The following SEMA3A variants were observed in gnomAD, a reference collection of about 807,000 sequenced individuals.
SEMA3A encodes the protein semaphorin 3A.
Under a neutral mutation model 97.9 loss-of-function variants are expected in SEMA3A, and 29 were observed. The ratio of observed to expected loss-of-function variants is 0.30; its 90% CI spans 0.22 to 0.40. SEMA3A has a LOEUF of 0.40. Among genes scored for constraint, SEMA3A ranks in the 10% least tolerant of loss-of-function variants. The pLI is 1.00. For synonymous variants in SEMA3A, 321 were observed against 323.7 expected (o/e 0.99, Z 0.09); for missense variants, 763 against 951.3 (o/e 0.80, Z 2.60).
rs139263035 is a variant in SEMA3A at position 84,295,987 on chromosome 7, A to T, written c.-83+11220T>A. Reference sequence around the variant, plus strand: ...CAGCAAGAAATCATGAAAATGATTCAGCAAAATACATCATATTTAGATGTA... The same window carrying T: ...CAGCAAGAAATCATGAAAATGATTCTGCAAAATACATCATATTTAGATGTA... On this transcript the variant is annotated intron_variant, in intron 3 of 3. Coordinates refer to the SEMA3A transcript ENST00000424555. 1.1e-3 allele frequency among the ~76,000 whole-genome samples: 165 copies of T among 152,280 alleles called. 1 individual carries two copies. The highest frequency in any genetic ancestry group is 3.4e-3 in the Middle Eastern group (1 of 294).
At chr7:84,157,878 A>G (rs1584054111) in intron 1 of SEMA3A, among the ~76,000 whole-genome samples, 1 of 152,174 alleles carries the variant, frequency 6.6e-6, no homozygotes, top group South Asian at 2.1e-4. Flanking sequence ...TACATAGGTC[A>G]TATCATACAA....
rs1373019229 is a variant in SEMA3A at position 84,429,555 on chromosome 7, G to T, written c.-245-57655C>A. On this transcript the variant is annotated intron_variant, in intron 1 of 3. Coordinates refer to the SEMA3A transcript ENST00000424555. ...ATATATATATATATATATAGCGAGA[G>T]AGAGAGAGAGAGAGAGAGGTTAAAA... Among the ~76,000 whole-genome samples, 41 of 67,970 alleles carry T rather than the reference G, an allele frequency of 6.0e-4. No homozygotes were observed. In the South Asian group the frequency reaches 8.1e-3, roughly 13 times the overall value. 44.6% of individuals were successfully genotyped at this position (67,970 alleles called of 152,430 possible).
At chr7:84,359,399 T>G (rs984782535) in intron 2 of SEMA3A, among the ~76,000 whole-genome samples, 1 of 152,128 alleles carries the variant, frequency 6.6e-6, no homozygotes, top group Non-Finnish European at 1.5e-5. Flanking sequence ...GAGATAATCA[T>G]GTGGTTTTTG....
chr7:84,093,169 A>T (rs1385294865), intron 4 of SEMA3A, among the ~76,000 whole-genome samples: 1 of 152,166 alleles, frequency 6.6e-6, no homozygotes, highest in Non-Finnish European at 1.5e-5. Context: ...TGCACCATGT[A>T]ACTTTTTGCA....
intron 12 of SEMA3A, among the ~76,000 whole-genome samples, chr7:83,992,483 G>C (rs1031927462): frequency 6.6e-6 from 1 of 151,524 alleles, no homozygotes; most frequent in Non-Finnish European, 1.5e-5. Context: ...TCTACACACT[G>C]CTTTGAATGC....
chr7:84,453,403 A>AT (rs1215439642), intron 1 of SEMA3A, among the ~76,000 whole-genome samples: 2 of 151,804 alleles, frequency 1.3e-5, no homozygotes, highest in African/African-American at 4.8e-5. Flanking sequence ...CGCCCGGCTA[A>AT]TTTTTTGTAT....
chr7:84,244,313 C>G (rs981350980), intron 3 of SEMA3A, among the ~76,000 whole-genome samples: 1 of 152,164 alleles, frequency 6.6e-6, no homozygotes, highest in Admixed American at 6.5e-5. Context: ...GTTAGCTCTT[C>G]TTGTTGCATG....
chr7:84,059,522 C>T (rs529907851), intron 5 of SEMA3A, among the ~76,000 whole-genome samples: 15 of 152,022 alleles, frequency 9.9e-5, no homozygotes, highest in East Asian at 5.8e-4. Flanking sequence ...AAACTTATGA[C>T]ATATCAGATA....
Position 84,091,725 on chromosome 7 carries a change from C to A in SEMA3A, c.453+18745G>T, listed in dbSNP as rs148640609. 2.9e-3 allele frequency among the ~76,000 whole-genome samples: 435 copies of A among 152,238 alleles called. 4 individuals are homozygous for A. Among genetic ancestry groups the A allele is most frequent in the South Asian group, 0.023 (110 of 4,820 alleles). Reference sequence around the variant, plus strand: ...TTAATTTGGCTCCAATTTTTAGAGACTATCTTCATGCTTTTCTCAAGATGA... The same window carrying A: ...TTAATTTGGCTCCAATTTTTAGAGAATATCTTCATGCTTTTCTCAAGATGA... On this transcript the variant is annotated intron_variant, in intron 4 of 16. Coordinates refer to ENST00000265362, the MANE Select transcript of SEMA3A (RefSeq NM_006080.3).
intron 1 of SEMA3A, among the ~76,000 whole-genome samples, chr7:84,186,022 A>C (rs1257352899): frequency 6.6e-6 from 1 of 152,154 alleles, no homozygotes; most frequent in Non-Finnish European, 1.5e-5. Context: ...CTACTCTATG[A>C]AGTTCCTAGC....
upstream of SEMA3A, among the ~76,000 whole-genome samples, chr7:84,196,010 C>G (rs995032820): frequency 1.3e-5 from 2 of 152,068 alleles, no homozygotes; most frequent in African/African-American, 4.8e-5. Flanking sequence ...TTCAGTTTTC[C>G]TCAAAGCTGA....
At chr7:84,391,414 A>G (rs535998499) in intron 1 of SEMA3A, among the ~76,000 whole-genome samples, 1 of 152,238 alleles carries the variant, frequency 6.6e-6, no homozygotes, top group East Asian at 1.9e-4. Flanking sequence ...GGATGCTAAC[A>G]CGGTGGATCC....
At chr7:84,407,963 C>T (rs1326148404) in intron 1 of SEMA3A, among the ~76,000 whole-genome samples, 11 of 152,140 alleles carry the variant, frequency 7.2e-5, no homozygotes, top group African/African-American at 2.7e-4. Context: ...CTAGGCATTA[C>T]CATTCAGGAC....
intron 1 of SEMA3A, among the ~76,000 whole-genome samples, chr7:84,150,291 C>G (rs1444885736): frequency 2.6e-5 from 4 of 152,168 alleles, no homozygotes; most frequent in African/African-American, 9.6e-5. Flanking sequence ...GTGAGCGACG[C>G]AGAAGACGGG....
Position 84,079,846 on chromosome 7 carries a change from T to G in SEMA3A, c.454-19288A>C, listed in dbSNP as rs555051450. ...AATACCATTTGACCCAGCCATCCCA[T>G]TACTGGGTATATACCCAAAGGACTA... On this transcript the variant is annotated intron_variant, in intron 4 of 16. Transcript: ENST00000265362. 4.1e-3 allele frequency among the ~76,000 whole-genome samples: 581 copies of G among 142,046 alleles called. 7 individuals carry two copies. Among genetic ancestry groups the G allele is most frequent in the Non-Finnish European group, 6.6e-3 (441 of 66,584 alleles). 93.2% of individuals were successfully genotyped at this position (142,046 alleles called of 152,430 possible).
At chr7:84,070,828 T>C (rs2115751823) in intron 4 of SEMA3A, among the ~76,000 whole-genome samples, 1 of 152,164 alleles carries the variant, frequency 6.6e-6, no homozygotes, top group South Asian at 2.1e-4. Flanking sequence ...TCTTTTCCTT[T>C]GAGATTAAAT....
At chr7:84,207,206 T>A (rs1798514674) in intron 3 of SEMA3A, among the ~76,000 whole-genome samples, 1 of 152,222 alleles carries the variant, frequency 6.6e-6, no homozygotes, top group African/African-American at 2.4e-5. Flanking sequence ...CCTAGTAACA[T>A]TCCTTTCACA....
chr7:83,992,546 A>T (rs983454213), intron 12 of SEMA3A, among the ~76,000 whole-genome samples: 1 of 152,044 alleles, frequency 6.6e-6, no homozygotes, highest in African/African-American at 2.4e-5. Flanking sequence ...TTCAAAGAAC[A>T]TCTTTATGTC....
At chr7:83,992,411 AG>A (rs1789993745) in intron 12 of SEMA3A, among the ~76,000 whole-genome samples, 1 of 143,686 alleles carries the variant, frequency 7.0e-6, no homozygotes, top group African/African-American at 2.6e-5. Context: ...TTGTGATGTT[AG>A]GGTGTCAATT....
Sources: allele counts gnomAD v4.1 joint callset (sites outside exome capture counted in the v4.1 genomes callset), GRCh38; gene constraint gnomAD v4.1.1; transcripts MANE v1.5; gene names NCBI Gene and HGNC (gene_info 2026-07-23, HGNC 2026-07-21).